The following CBX2 variants were observed in gnomAD, a reference collection of about 807,000 sequenced individuals.
CBX2 encodes the protein chromobox 2.
In CBX2, 11 loss-of-function variants were observed where a neutral mutation model predicts 21.0. That is an observed-to-expected ratio of 0.52 (90% confidence interval 0.33 to 0.87). The LOEUF (loss-of-function observed/expected upper bound fraction) is 0.87. Among genes scored for constraint, CBX2 ranks in the 40% least tolerant of loss-of-function variants. The probability of loss-of-function intolerance (pLI) is 0.02; values close to 1 mark genes in which losing one functional copy is unlikely to be tolerated. For missense variants in CBX2, 746 were observed against 724.3 expected (o/e 1.03, Z -0.34); for synonymous variants, 364 against 304.6 (o/e 1.19, Z -2.03).
At position 79,782,361 on chromosome 17, in the gene CBX2, C is replaced by A. The variant is rs987869129; in HGVS notation, c.288+560C>A. Reference sequence around the variant, plus strand: ...CCTTCTCGGGACTGTCCTGTCACCCCTCCTCGCTACAGTGATGGGCTCACC... The same window carrying A: ...CCTTCTCGGGACTGTCCTGTCACCCATCCTCGCTACAGTGATGGGCTCACC... On this transcript the variant is annotated intron_variant, in intron 4 of 4. Coordinates refer to ENST00000310942, the MANE Select transcript of CBX2 (RefSeq NM_005189.3). 20 of 1,445,100 alleles carry A rather than the reference C, an allele frequency of 1.4e-5. No homozygotes were observed. The South Asian group carries it at 2.2e-4, about 16-fold the overall frequency. 89.5% of individuals were successfully genotyped at this position (1,445,100 alleles called of 1,614,324 possible). A position where few individuals can be genotyped will look rare whatever the true frequency, so the allele number is the denominator to read the frequency against.
At chr17:79,781,519 C>T (rs1555830217) in intron 3 of CBX2, among the ~76,000 whole-genome samples, 177 bp from the exon 4 acceptor site, 1 of 152,156 alleles carries the variant, frequency 6.6e-6, no homozygotes, top group Non-Finnish European at 1.5e-5. Context: ...TGGTTACTGA[C>T]CCTAGTGCAA....
At chr17:79,779,244 C>T (rs1380192846) in intron 2 of CBX2, 118 bp from the exon 3 acceptor site, 6 of 914,716 alleles carry the variant, frequency 6.6e-6, no homozygotes, top group African/African-American at 1.6e-5. Context: ...CATGGTGCTA[C>T]GGTGCCACTG....
At chr17:79,779,722 T>A in intron 3 of CBX2, 1 of 459,580 alleles carries the variant, frequency 2.2e-6, no homozygotes, top group Non-Finnish European at 4.0e-6. Flanking sequence ...TTGCTTCAGA[T>A]AAAGATGTTA....
In CBX2 at chr17:79,784,713, C is replaced by G. The variant is rs782023433; in HGVS notation, c.1270C>G (p.Pro424Ala). 6.2e-7 allele frequency: 1 copy of G among 1,611,646 alleles called. No homozygotes were observed. The highest frequency in any genetic ancestry group is 8.5e-7 in the Non-Finnish European group (1 of 1,179,488). Residue 424 changes from proline (P) to alanine (A), a missense_variant, in exon 5 of 5, where the codon CCT becomes GCT. Physicochemically the swap from Pro to Ala is conservative, Grantham distance 27. This residue lies in a region of CBX2 where 701 missense variants were observed against 650.7 expected (regional missense o/e 1.08). Transcript: ENST00000310942. This position sits in a 1 kb window ranked among gnomAD's most constrained non-coding sequence, Gnocchi z 5.9. ...LASRAVAPPT[P>A]ASKRDCVKGS... ...TTCCAGAGCAGTGGCGCCACCCACC[C>G]CTGCCAGCAAGAGGGACTGTGTCAA...
In CBX2 at chr17:79,784,631, C is replaced by T; in HGVS notation, c.1188C>T (p.Leu396=). The change falls in exon 5 of 5, where the codon CTC becomes CTT. Residue 396 remains leucine, a synonymous_variant. Transcript: ENST00000310942. The surrounding 1 kb of genome is among the most constrained non-coding windows in gnomAD (Gnocchi z 5.9). The part of the protein sequence containing the change: ...PAPGKGTGSG[L]IGASGATMPT... The stretch of plus-strand genomic sequence containing the variant: ...CTGGGAAGGGCACTGGGAGTGGCCT[C>T]ATTGGGGCCAGCGGGGCCACCATGC... The T allele has an allele frequency of 6.2e-7, 1 of 1,612,548 alleles. No individual in the cohort carries two copies. Among genetic ancestry groups the T allele is most frequent in the South Asian group, 1.1e-5 (1 of 91,064 alleles).
rs977216105 is a variant in CBX2, at chr17:79,784,588, C to T, written c.1145C>T (p.Pro382Leu). The change falls in exon 5 of 5, where the codon CCG becomes CTG. Residue 382 changes from proline (P) to leucine (L), a missense_variant. Coordinates refer to ENST00000310942, the MANE Select transcript of CBX2 (RefSeq NM_005189.3). The surrounding 1 kb of genome is among the most constrained non-coding windows in gnomAD (Gnocchi z 5.9). ...CACGCCACCGCCACCAAGGGTGTCC[C>T]GGCCACCAACCCAGCCCCTGGGAAG... Reference protein sequence around the residue: ...ARHATATKGVPATNPAPGKGT... With the variant: ...ARHATATKGVLATNPAPGKGT... The T allele has an allele frequency of 4.3e-6, 7 of 1,612,498 alleles. No homozygotes were observed. The highest frequency in any genetic ancestry group is 2.2e-5 in the East Asian group (1 of 44,882).
chr17:79,780,942 G>T (rs915722014), intron 3 of CBX2, among the ~76,000 whole-genome samples: 1 of 152,128 alleles, frequency 6.6e-6, no homozygotes, highest in South Asian at 2.1e-4. Context: ...AGGCCCCAAT[G>T]AGATGATGTT....
chr17:79,782,296 G>T, intron 4 of CBX2: 1 of 1,521,782 alleles, frequency 6.6e-7, no homozygotes, highest in South Asian at 1.3e-5. Context: ...AGGGGCCTTG[G>T]AGGAGGGCAG....
At position 79,786,318 on chromosome 17, in the gene CBX2, C is replaced by G. The variant is rs1907632986; in HGVS notation, c.*1276C>G. 1 of 152,762 alleles carries G rather than the reference C, an allele frequency of 6.5e-6. No individual in the cohort carries two copies. Among genetic ancestry groups the G allele is most frequent in the African/African-American group, 2.4e-5 (1 of 41,462 alleles). 9.5% of individuals were successfully genotyped at this position (152,762 alleles called of 1,614,324 possible). A position where few individuals can be genotyped will look rare whatever the true frequency, so the allele number is the denominator to read the frequency against. ...GGAGTATCATTTTCCCTGACAATCC[C>G]CATCACCTTTAGGGGTTCCCTGCTT... is the stretch of plus-strand genomic sequence containing the variant. On this transcript the variant is annotated 3_prime_UTR_variant, in exon 5 of 5. Coordinates refer to ENST00000310942, the MANE Select transcript of CBX2 (RefSeq NM_005189.3).
At chr17:79,782,042 T>C in intron 4 of CBX2, 1 of 1,613,980 alleles carries the variant, frequency 6.2e-7, no homozygotes, top group Non-Finnish European at 8.5e-7. Context: ...CAGCCTGTCC[T>C]GCACGCCTCT....
chr17:79,782,837 C>T (rs546662449), intron 4 of CBX2, among the ~76,000 whole-genome samples: 62 of 152,186 alleles, frequency 4.1e-4, no homozygotes, highest in South Asian at 1.7e-3. Context: ...CTAAAGCACA[C>T]GCTGTAGAAT....
chr17:79,781,776 CCTG>C lies in CBX2; in HGVS notation c.265_267del (p.Cys89del). On this transcript the variant is annotated inframe_deletion, in exon 4 of 5. Transcript: ENST00000310942. ...CCAAGGAAGCTCACTGCCATGTCCTCCTGCAGCCGGCGCTCCAAGCTCAAGGTG... is the reference window on the plus strand; with the variant it reads ...CCAAGGAAGCTCACTGCCATGTCCTCCAGCCGGCGCTCCAAGCTCAAGGTG... 1.1e-5 allele frequency: 18 copies of C among 1,614,118 alleles called. No homozygotes were observed. The highest frequency in any genetic ancestry group is 1.5e-5 in the Non-Finnish European group (18 of 1,180,012).
upstream of CBX2, among the ~76,000 whole-genome samples, chr17:79,777,915 G>GCGCCCCCACCCCCGCCCCCGCCCC (rs1906836487): frequency 6.9e-6 from 1 of 144,430 alleles, no homozygotes; most frequent in Non-Finnish European, 1.5e-5. Flanking sequence ...GGGCCCGCCC[G>GCGCCCCCACCCCCGCCCCCGCCCC]CGCCCCCACC....
Position 79,784,875 on chromosome 17 carries a change from A to G in CBX2, c.1432A>G (p.Ser478Gly). 2 of 1,613,458 alleles carry G rather than the reference A, an allele frequency of 1.2e-6. No individual in the cohort carries two copies. The highest frequency in any genetic ancestry group is 1.7e-4 in the Middle Eastern group (1 of 6,060). Residue 478 changes from serine (S) to glycine (G), a missense_variant, in exon 5 of 5, where the codon AGC becomes GGC. By Grantham distance (56) the Ser-to-Gly change is moderately conservative (BLOSUM62 0). This residue lies in a region of CBX2 where 701 missense variants were observed against 650.7 expected (regional missense o/e 1.08). Coordinates refer to ENST00000310942, the MANE Select transcript of CBX2 (RefSeq NM_005189.3). The surrounding 1 kb of genome is among the most constrained non-coding windows in gnomAD (Gnocchi z 5.9). Reference protein sequence around the residue: ...DSDPDSASPPSTGQNPSVSVQ... With the variant: ...DSDPDSASPPGTGQNPSVSVQ... ...CGACCCCGACTCCGCCTCGCCGCCC[A>G]GCACTGGACAGAACCCGTCAGTGTC...
chr17:79,778,499 C>G lies in CBX2; in HGVS notation c.116+72C>G. 9.4e-7 allele frequency: 1 copy of G among 1,062,866 alleles called. No individual in the cohort carries two copies. The highest frequency in any genetic ancestry group is 1.3e-6 in the Non-Finnish European group (1 of 771,658). The allele number at this position is 1,062,866 out of a possible 1,614,324, so 65.8% of individuals were successfully genotyped here. On this transcript the variant is annotated intron_variant, in intron 2 of 4. Coordinates refer to ENST00000310942, the MANE Select transcript of CBX2 (RefSeq NM_005189.3). The surrounding 1 kb of genome is among the most constrained non-coding windows in gnomAD (Gnocchi z 4.8). Reference sequence around the variant, plus strand: ...GGGTGGGGACGTGGAGCCCCTCGGCCGCGCCGTCCGGTGGCCTGGGGGCGC... The same window carrying G: ...GGGTGGGGACGTGGAGCCCCTCGGCGGCGCCGTCCGGTGGCCTGGGGGCGC...
Position 79,778,448 on chromosome 17 carries a change from C to G in CBX2, c.116+21C>G. 2.0e-6 allele frequency: 3 copies of G among 1,492,208 alleles called. No individual in the cohort carries two copies. The highest frequency in any genetic ancestry group is 2.0e-5 in the Admixed American group (1 of 50,988). 92.4% of individuals were successfully genotyped at this position (1,492,208 alleles called of 1,614,324 possible). A position where few individuals can be genotyped will look rare whatever the true frequency, so the allele number is the denominator to read the frequency against. On this transcript the variant is annotated intron_variant, in intron 2 of 4. Coordinates refer to ENST00000310942, the MANE Select transcript of CBX2 (RefSeq NM_005189.3). The surrounding 1 kb of genome is among the most constrained non-coding windows in gnomAD (Gnocchi z 4.8). ...TCCAAGTGAGTCCCCCGCGACGCCG[C>G]GCCCCCCTCCCGCCCCCTCGCCCGG... is the stretch of plus-strand genomic sequence containing the variant.
rs1555831413 is a variant in CBX2, at chr17:79,784,873, C to A, written c.1430C>A (p.Pro477His). Reference protein sequence around the residue: ...SDSDPDSASPPSTGQNPSVSV... With the variant: ...SDSDPDSASPHSTGQNPSVSV... ...TCCGACCCCGACTCCGCCTCGCCGC[C>A]CAGCACTGGACAGAACCCGTCAGTG... The change falls in exon 5 of 5, where the codon CCC (proline) becomes CAC (histidine). Residue 477 changes from proline to histidine, a missense_variant. Coordinates refer to ENST00000310942, the MANE Select transcript of CBX2 (RefSeq NM_005189.3). This position sits in a 1 kb window ranked among gnomAD's most constrained non-coding sequence, Gnocchi z 5.9. The A allele has an allele frequency of 2.5e-6, 4 of 1,613,460 alleles. No homozygotes were observed. Among genetic ancestry groups the A allele is most frequent in the Non-Finnish European group, 3.4e-6 (4 of 1,180,036 alleles).
chr17:79,783,751 A>C lies in CBX2; in HGVS notation c.308A>C (p.Lys103Thr), dbSNP rs1421085384. ...SKLKEPDAPS[K>T]SKSSSSSSSS... ...TTCCAGGAACCCGATGCTCCCTCCA[A>C]ATCCAAGTCCAGCAGTTCCTCCTCT... Residue 103 changes from lysine to threonine, a missense_variant, in exon 5 of 5, where the codon AAA (lysine) becomes ACA (threonine). Lys to Thr is a moderately conservative substitution (Grantham distance 78). Coordinates refer to ENST00000310942, the MANE Select transcript of CBX2 (RefSeq NM_005189.3). The C allele has an allele frequency of 3.2e-6, 5 of 1,553,142 alleles. No individual in the cohort carries two copies. Among genetic ancestry groups the C allele is most frequent in the Non-Finnish European group, 4.4e-6 (5 of 1,147,844 alleles).
chr17:79,777,399 T>C (rs532743933), upstream of CBX2, among the ~76,000 whole-genome samples: 8 of 152,352 alleles, frequency 5.3e-5, no homozygotes, highest in Admixed American at 5.2e-4. Flanking sequence ...CAGCTGGTTT[T>C]CTCCCTACAC....
Sources: gnomAD v4.1 joint callset for allele counts (sites outside exome capture counted in the v4.1 genomes callset) on GRCh38, gnomAD v4.1.1 for gene constraint, gnomAD v4.1.1 regional missense constraint, Gnocchi (gnomAD v3.1) non-coding constraint, MANE v1.5 for transcripts, NCBI Gene and HGNC (gene_info 2026-07-23, HGNC 2026-07-21) for gene names.